Variants in LTBP1 observed in about 807,000 individuals in gnomAD.
The protein encoded by LTBP1 is latent-transforming growth factor beta-binding protein 1.
In LTBP1, 129 loss-of-function variants were observed where a neutral mutation model predicts 207.6. That is an observed-to-expected ratio of 0.62 (90% confidence interval 0.54 to 0.72). The LOEUF is 0.72. LTBP1 is among the 30% of genes least tolerant of loss of function. The probability of loss-of-function intolerance (pLI) is 0.00; values close to 1 mark genes in which losing one functional copy is unlikely to be tolerated. For synonymous variants in LTBP1, 963 were observed against 833.7 expected, an observed-to-expected ratio of 1.16 and a Z score of -2.67; for missense variants, 2,281 against 2,217.2, an observed-to-expected ratio of 1.03 and a Z score of -0.58.
intron 3 of LTBP1, among the ~76,000 whole-genome samples, chr2:33,070,754 T>C (rs990442057): frequency 1.3e-5 from 2 of 152,232 alleles, no homozygotes; most frequent in African/African-American, 4.8e-5. Flanking sequence ...TGTGCCTTTC[T>C]TGTATGTTTT....
chr2:33,347,044 G>A (rs1363745973), intron 25 of LTBP1, among the ~76,000 whole-genome samples: 1 of 150,670 alleles, frequency 6.6e-6, no homozygotes, highest in Non-Finnish European at 1.5e-5. Context: ...CGTGAACCCG[G>A]GAGGCAGAGC....
chr2:33,215,023 C>G (rs747420033), intron 7 of LTBP1, among the ~76,000 whole-genome samples: 26 of 152,144 alleles, frequency 1.7e-4, no homozygotes, highest in South Asian at 1.2e-3. Context: ...TTAGACTAAC[C>G]TGTTTGATTG....
chr2:33,174,769 A>G (rs2085847276), intron 5 of LTBP1, among the ~76,000 whole-genome samples: 1 of 152,228 alleles, frequency 6.6e-6, no homozygotes, highest in Non-Finnish European at 1.5e-5. Context: ...CTACAAGGCT[A>G]CAGTAACCAA....
intron 5 of LTBP1, among the ~76,000 whole-genome samples, chr2:33,158,160 A>C (rs1042041041): frequency 1.3e-3 from 179 of 140,910 alleles, no homozygotes; most frequent in African/African-American, 4.3e-3. Flanking sequence ...AAAAAAAAAA[A>C]AAAAAGAGAG....
At chr2:33,254,020 G>T (rs1297315806) in intron 11 of LTBP1, among the ~76,000 whole-genome samples, 1 of 150,436 alleles carries the variant, frequency 6.6e-6, no homozygotes, top group African/African-American at 2.5e-5. Context: ...CTCCCAAGTA[G>T]CTGGGACTAC....
chr2:33,100,487 T>C (rs557392170), intron 3 of LTBP1, among the ~76,000 whole-genome samples: 330 of 152,234 alleles, frequency 2.2e-3, no homozygotes, highest in Non-Finnish European at 4.0e-3. Flanking sequence ...TTTTTTTTTT[T>C]CAAGGAATCT....
chr2:33,157,576 C>G (rs1281337952), intron 5 of LTBP1, among the ~76,000 whole-genome samples: 1 of 152,194 alleles, frequency 6.6e-6, no homozygotes, highest in Admixed American at 6.5e-5. Context: ...CGCTCAGATG[C>G]AGACCCAGGC....
chr2:33,307,978 G>A (rs1423930579), intron 22 of LTBP1, among the ~76,000 whole-genome samples: 1 of 152,180 alleles, frequency 6.6e-6, no homozygotes, highest in African/African-American at 2.4e-5. Context: ...GGGCGTATTA[G>A]ACAGATGGCA....
At chr2:33,221,994 A>C in intron 8 of LTBP1, 86 bp from the exon 9 acceptor site, 1 of 848,790 alleles carries the variant, frequency 1.2e-6, no homozygotes, top group African/African-American at 1.7e-5. Context: ...AAGTTTGCTG[A>C]TGCCTTAAAT....
At chr2:33,351,036 C>T (rs1338926734) in intron 26 of LTBP1, among the ~76,000 whole-genome samples, 1 of 152,052 alleles carries the variant, frequency 6.6e-6, no homozygotes, top group African/African-American at 2.4e-5. Context: ...GACAAGCAAA[C>T]AAAATCAGGA....
intron 5 of LTBP1, among the ~76,000 whole-genome samples, chr2:33,136,370 T>C (rs141749433): frequency 2.8e-4 from 43 of 152,366 alleles, no homozygotes; most frequent in African/African-American, 9.4e-4. Context: ...TTAATATTTC[T>C]GGGCCTCAGT....
intron 31 of LTBP1, among the ~76,000 whole-genome samples, chr2:33,387,841 G>A (rs2095280851): frequency 6.6e-6 from 1 of 151,958 alleles, no homozygotes; most frequent in South Asian, 2.1e-4. Context: ...AGGCAAGTGT[G>A]GCCATTGCCT....
intron 5 of LTBP1, among the ~76,000 whole-genome samples, chr2:33,174,284 A>C (rs1358257116): frequency 6.6e-6 from 1 of 150,534 alleles, no homozygotes; most frequent in Non-Finnish European, 1.5e-5. Context: ...AATCTCCTTA[A>C]GCTGATAAGC....
chr2:33,198,431 T>G (rs1378244780), intron 7 of LTBP1, among the ~76,000 whole-genome samples: 1 of 152,156 alleles, frequency 6.6e-6, no homozygotes, highest in African/African-American at 2.4e-5. Flanking sequence ...TTAGGGAGGA[T>G]TCCCTCTTTT....
At chr2:33,251,148 G>A (rs1323517530) in intron 10 of LTBP1, among the ~76,000 whole-genome samples, 3 of 152,194 alleles carry the variant, frequency 2.0e-5, no homozygotes, top group Non-Finnish European at 4.4e-5. Flanking sequence ...GCTGAGGACT[G>A]GCCCACCTGG....
At chr2:33,056,644 C>G in intron 3 of LTBP1, 1 of 228,104 alleles carries the variant, frequency 4.4e-6, no homozygotes, top group Non-Finnish European at 8.7e-6. Flanking sequence ...TTCTGATGTT[C>G]AGATGTGTTT....
At chr2:33,145,294 A>C (rs1162888873) in intron 5 of LTBP1, among the ~76,000 whole-genome samples, 1 of 152,058 alleles carries the variant, frequency 6.6e-6, no homozygotes, top group African/African-American at 2.4e-5. Flanking sequence ...CAATACTGAG[A>C]GATTTCGTTA....
At position 32,947,758 on chromosome 2, in the gene LTBP1, A is replaced by T. The variant is rs1213251077; in HGVS notation, c.434A>T (p.Gln145Leu). 3 of 1,523,424 alleles carry T rather than the reference A, an allele frequency of 2.0e-6. No individual in the cohort carries two copies. The highest frequency in any genetic ancestry group is 2.6e-6 in the Non-Finnish European group (3 of 1,134,558). The allele number at this position is 1,523,424 out of a possible 1,614,324, so 94.4% of individuals were successfully genotyped here. ...GRQVVRSKVP[Q>L]ETQSGGGSRL... ...CAAGTTGTGCGCTCCAAGGTGCCGCAGGAGACCCAGAGCGGCGGAGGCTCT... is the reference window on the plus strand; with the variant it reads ...CAAGTTGTGCGCTCCAAGGTGCCGCTGGAGACCCAGAGCGGCGGAGGCTCT... The change falls in exon 1 of 34, where the codon CAG becomes CTG. Residue 145 changes from glutamine (Q) to leucine (L), a missense_variant. Gln to Leu is a moderately radical substitution (Grantham distance 113). Around this residue, in one of 3 missense-constraint regions of LTBP1, gnomAD observed 555 missense variants for 491.0 expected, o/e 1.13. Transcript: ENST00000404816.
chr2:33,308,088 AAAG>A (rs1206848235), intron 22 of LTBP1, among the ~76,000 whole-genome samples: 1 of 152,264 alleles, frequency 6.6e-6, no homozygotes, highest in African/African-American at 2.4e-5. Context: ...CTGAGAAAAC[AAAG>A]AAGGTTTTGT....
Sources: allele counts gnomAD v4.1 joint callset (sites outside exome capture counted in the v4.1 genomes callset), GRCh38; gene constraint gnomAD v4.1.1; regional missense constraint gnomAD v4.1.1; transcripts MANE v1.5; gene names NCBI Gene and HGNC (gene_info 2026-07-23, HGNC 2026-07-21).